Variants in KCNQ3 observed in about 807,000 individuals in gnomAD.
KCNQ3 encodes the protein potassium voltage-gated channel subfamily Q member 3, also known as potassium voltage-gated channel subfamily KQT member 3.
Under a neutral mutation model 92.5 loss-of-function variants are expected in KCNQ3, and 30 were observed. The observed-to-expected ratio is 0.32, with a 90% CI of 0.24 to 0.44. KCNQ3 has a LOEUF of 0.44. KCNQ3 is among the 20% of genes least tolerant of loss of function. The probability of loss-of-function intolerance (pLI) is 1.00; values close to 1 mark genes in which losing one functional copy is unlikely to be tolerated. For synonymous variants in KCNQ3, 450 were observed against 468.8 expected (o/e 0.96, Z 0.52); for missense variants, 913 against 1,140.3 (o/e 0.80, Z 2.87).
At chr8:132,171,114 G>C (rs948744598) in intron 7 of KCNQ3, among the ~76,000 whole-genome samples, 1 of 152,122 alleles carries the variant, frequency 6.6e-6, no homozygotes, top group Non-Finnish European at 1.5e-5. Context: ...AAATATATAG[G>C]AGAACAGAGT....
At chr8:132,262,680 T>G (rs182121916) in intron 1 of KCNQ3, among the ~76,000 whole-genome samples, 1 of 149,750 alleles carries the variant, frequency 6.7e-6, no homozygotes, top group East Asian at 2.0e-4. Flanking sequence ...GATGGAGACA[T>G]GAGCTGAGGA....
At chr8:132,375,331 G>GA (rs1452909250) in intron 1 of KCNQ3, among the ~76,000 whole-genome samples, 2 of 141,674 alleles carry the variant, frequency 1.4e-5, no homozygotes, top group Non-Finnish European at 3.0e-5. Flanking sequence ...AATCACTACT[G>GA]AAAAGAATGG....
chr8:132,200,044 T>A (rs1359549874), intron 1 of KCNQ3, among the ~76,000 whole-genome samples: 2 of 152,206 alleles, frequency 1.3e-5, no homozygotes, highest in East Asian at 3.8e-4. Context: ...CAAAATTGAC[T>A]TAATACTTGT....
rs555956118 is a variant in KCNQ3 at position 132,455,828 on chromosome 8, G to A, written c.386+24319C>T. Among the ~76,000 whole-genome samples, 10 of 152,034 alleles carry A rather than the reference G, an allele frequency of 6.6e-5. No homozygotes were observed. In the East Asian group the frequency reaches 1.2e-3, roughly 18 times the overall value. ...GTGATCTCGGATCACTGCAAGCTCC[G>A]CCTCCCGAGTTCACGCCATTCTCCT... On this transcript the variant is annotated intron_variant, in intron 1 of 14. Coordinates refer to ENST00000388996, the MANE Select transcript of KCNQ3 (RefSeq NM_004519.4).
At chr8:132,330,746 T>A (rs1344110092) in intron 1 of KCNQ3, among the ~76,000 whole-genome samples, 1 of 152,210 alleles carries the variant, frequency 6.6e-6, no homozygotes, top group Non-Finnish European at 1.5e-5. Context: ...AAGGCTTATA[T>A]AAGATGATGG....
intron 1 of KCNQ3, among the ~76,000 whole-genome samples, chr8:132,462,464 A>C (rs912386256): frequency 6.6e-6 from 1 of 152,254 alleles, no homozygotes; most frequent in Non-Finnish European, 1.5e-5. Context: ...CTGAAATTAC[A>C]GGCGTGAGCC....
chr8:132,218,127 C>A (rs1167781510), intron 1 of KCNQ3, among the ~76,000 whole-genome samples: 1 of 152,132 alleles, frequency 6.6e-6, no homozygotes, highest in Non-Finnish European at 1.5e-5. Flanking sequence ...ATGGTCCTTG[C>A]CTGTACCCCA....
At chr8:132,426,305 C>T (rs1294173200) in intron 1 of KCNQ3, among the ~76,000 whole-genome samples, 1 of 152,248 alleles carries the variant, frequency 6.6e-6, no homozygotes, top group Non-Finnish European at 1.5e-5. Flanking sequence ...AACAACCCTA[C>T]CCATCATGAC....
intron 4 of KCNQ3, among the ~76,000 whole-genome samples, chr8:132,176,547 A>T (rs1292185006): frequency 6.6e-6 from 1 of 152,208 alleles, no homozygotes; most frequent in Non-Finnish European, 1.5e-5. Context: ...TCACATTGAT[A>T]TCCTTCCTGT....
At chr8:132,214,007 T>C (rs1813947646) in intron 1 of KCNQ3, among the ~76,000 whole-genome samples, 3 of 152,174 alleles carry the variant, frequency 2.0e-5, no homozygotes, top group Admixed American at 2.0e-4. Flanking sequence ...CATACCTAGC[T>C]AAGGCATTGT....
chr8:132,362,892 G>A (rs368076082), intron 1 of KCNQ3, among the ~76,000 whole-genome samples: 12 of 152,174 alleles, frequency 7.9e-5, no homozygotes, highest in East Asian at 3.9e-4. Context: ...CGAGGGCGGC[G>A]TGGGTTGTAA....
chr8:132,442,361 G>A (rs943744888), intron 1 of KCNQ3, among the ~76,000 whole-genome samples: 12 of 152,160 alleles, frequency 7.9e-5, no homozygotes, highest in African/African-American at 2.9e-4. Context: ...CCTCTGGAGA[G>A]CTTAGCAAGG....
intron 1 of KCNQ3, among the ~76,000 whole-genome samples, chr8:132,232,599 A>G (rs534480357): frequency 6.6e-6 from 1 of 152,364 alleles, no homozygotes; most frequent in East Asian, 1.9e-4. Flanking sequence ...GCACATAGTA[A>G]GCACTTGGTC....
intron 1 of KCNQ3, among the ~76,000 whole-genome samples, chr8:132,262,239 G>A (rs1815811930): frequency 6.6e-6 from 1 of 152,178 alleles, no homozygotes; most frequent in Non-Finnish European, 1.5e-5. Flanking sequence ...GGGGATGGAG[G>A]AGTGATACCC....
chr8:132,328,212 C>T (rs1439760602), intron 1 of KCNQ3, among the ~76,000 whole-genome samples: 1 of 152,096 alleles, frequency 6.6e-6, no homozygotes, highest in East Asian at 1.9e-4. Context: ...CATCAGCTGG[C>T]CCTCAGGACT....
intron 1 of KCNQ3, among the ~76,000 whole-genome samples, chr8:132,346,879 G>C (rs1166501675): frequency 6.6e-6 from 1 of 152,218 alleles, no homozygotes; most frequent in Admixed American, 6.5e-5. Flanking sequence ...TGTTTTGTGG[G>C]AAGGGAAGCT....
At chr8:132,168,590 T>A (rs2130099644) in intron 8 of KCNQ3, among the ~76,000 whole-genome samples, 1 of 152,046 alleles carries the variant, frequency 6.6e-6, no homozygotes, top group East Asian at 1.9e-4. Flanking sequence ...CATGGTCAGG[T>A]TTTGGACTTT....
In KCNQ3 at chr8:132,198,117, G is replaced by A. The variant is rs529271356; in HGVS notation, c.387-11936C>T. On this transcript the variant is annotated intron_variant, in intron 1 of 14. Transcript: ENST00000388996. The stretch of plus-strand genomic sequence containing the variant: ...AATTTCAACTTCTGTCTTACAAGTA[G>A]ACTGTCTCTCTTGCTGGCTTTGAAG... Among the ~76,000 whole-genome samples the A allele has an allele frequency of 2.3e-3, 343 of 152,344 alleles. 3 individuals are homozygous for A. The highest frequency in any genetic ancestry group is 8.0e-3 in the African/African-American group (332 of 41,582).
At chr8:132,326,420 G>T (rs967783436) in intron 1 of KCNQ3, among the ~76,000 whole-genome samples, 6 of 152,140 alleles carry the variant, frequency 3.9e-5, no homozygotes, top group African/African-American at 1.4e-4. Context: ...GCAAGAGAAG[G>T]AAAGATCCAG....
Sources: gnomAD v4.1 joint callset for allele counts (sites outside exome capture counted in the v4.1 genomes callset) on GRCh38, gnomAD v4.1.1 for gene constraint, MANE v1.5 for transcripts, NCBI Gene and HGNC (gene_info 2026-07-23, HGNC 2026-07-21) for gene names.